NIPSNAP1: variants seen among roughly 807,000 people sequenced by gnomAD.
NIPSNAP1 encodes nipsnap homolog 1, also known as protein NipSnap homolog 1.
NIPSNAP1 carries 25 observed loss-of-function variants against 49.2 expected under a neutral mutation model. That is an observed-to-expected ratio of 0.51 (90% CI 0.37 to 0.71). NIPSNAP1 has a LOEUF of 0.71. Ranked by LOEUF, NIPSNAP1 falls within the 30% of genes least tolerant of loss-of-function variation. The probability of loss-of-function intolerance (pLI) is 0.00; values close to 1 mark genes in which losing one functional copy is unlikely to be tolerated. For missense variants in NIPSNAP1, 294 were observed against 361.0 expected (o/e 0.81, Z 1.50); for synonymous variants, 143 against 140.7 (o/e 1.02, Z -0.12).
At chr22:29,574,286 A>AG (rs1476698172) in intron 1 of NIPSNAP1, among the ~76,000 whole-genome samples, 7,604 of 147,606 alleles carry the variant, frequency 0.052, 644 homozygotes, top group African/African-American at 0.095. Context: ...AAAAAAAAAA[A>AG]AAAAAAGAAA....
intron 4 of NIPSNAP1, among the ~76,000 whole-genome samples, 164 bp downstream of exon 4, chr22:29,569,029 G>C (rs1247675937): frequency 6.6e-6 from 1 of 152,120 alleles, no homozygotes; most frequent in African/African-American, 2.4e-5. Flanking sequence ...GAGGGCACAG[G>C]GGAGCCAGGA....
At chr22:29,563,419 C>T (rs756074606) in intron 4 of NIPSNAP1, among the ~76,000 whole-genome samples, 1 of 151,978 alleles carries the variant, frequency 6.6e-6, no homozygotes, top group Non-Finnish European at 1.5e-5. Context: ...CCTAGCTACT[C>T]AGGAGGCTGA....
chr22:29,568,986 C>T (rs1300038882), intron 4 of NIPSNAP1, among the ~76,000 whole-genome samples: 2 of 151,932 alleles, frequency 1.3e-5, no homozygotes, highest in Non-Finnish European at 2.9e-5. Flanking sequence ...GGGGCAGGGC[C>T]GGGAAGGAGT....
intron 1 of NIPSNAP1, among the ~76,000 whole-genome samples, chr22:29,577,835 C>A (rs577176780): frequency 4.0e-5 from 6 of 149,858 alleles, no homozygotes; most frequent in Non-Finnish European, 7.4e-5. Flanking sequence ...CCAGTTCAAG[C>A]GATTCTCCTG....
rs1313415593 is a variant in NIPSNAP1, at chr22:29,555,011, G to A, written c.*924C>T. 1.3e-5 allele frequency: 2 copies of A among 152,520 alleles called. No homozygotes were observed. The highest frequency in any genetic ancestry group is 1.9e-4 in the East Asian group (1 of 5,336). The allele number at this position is 152,520 out of a possible 1,614,324, so 9.4% of individuals were successfully genotyped here. The stretch of plus-strand genomic sequence containing the variant: ...TTGGGCTGATAGAATGTCAATTAGG[G>A]GAGACAGGATACAGGGTGAGGGAAC... On this transcript the variant is annotated 3_prime_UTR_variant, in exon 10 of 10. Coordinates refer to ENST00000216121, the MANE Select transcript of NIPSNAP1 (RefSeq NM_003634.4).
intron 4 of NIPSNAP1, among the ~76,000 whole-genome samples, chr22:29,567,944 G>A (rs879359586): frequency 1.3e-5 from 2 of 152,120 alleles, no homozygotes; most frequent in Admixed American, 1.3e-4. Context: ...TTGGGAGGCC[G>A]AGGAGGTAGG....
chr22:29,573,658 C>T (rs1490918275), intron 1 of NIPSNAP1, among the ~76,000 whole-genome samples: 2 of 151,744 alleles, frequency 1.3e-5, no homozygotes, highest in Non-Finnish European at 2.9e-5. Flanking sequence ...ATCCCAGCTA[C>T]TCAGGAGGCT....
At chr22:29,568,480 CT>C (rs1483106031) in intron 4 of NIPSNAP1, among the ~76,000 whole-genome samples, 1 of 127,640 alleles carries the variant, frequency 7.8e-6, no homozygotes, top group Non-Finnish European at 1.6e-5. Context: ...GAGACCCTGT[CT>C]CAAAAAAGAA....
At chr22:29,580,287 T>A in intron 1 of NIPSNAP1, 2 of 1,249,296 alleles carry the variant, frequency 1.6e-6, no homozygotes, top group Non-Finnish European at 2.1e-6. Context: ...AGTGAGGGGC[T>A]GCCCAGGGCC....
intron 9 of NIPSNAP1, among the ~76,000 whole-genome samples, chr22:29,557,414 G>A (rs1034684266): frequency 6.6e-6 from 1 of 151,766 alleles, no homozygotes; most frequent in East Asian, 1.9e-4. Context: ...CACTGTGCTT[G>A]TCTTGTTTTT....
chr22:29,570,066 A>G (rs2064396589), intron 3 of NIPSNAP1, 96 bp downstream of exon 3: 3 of 946,356 alleles, frequency 3.2e-6, no homozygotes, highest in Middle Eastern at 2.1e-4. Context: ...CTGGATTTCT[A>G]CAGAAAAGAA....
chr22:29,562,699 A>G (rs2064344043), intron 4 of NIPSNAP1, among the ~76,000 whole-genome samples: 1 of 152,124 alleles, frequency 6.6e-6, no homozygotes, highest in Non-Finnish European at 1.5e-5. Context: ...CTCAAAAAAA[A>G]AGAGATTGAC....
chr22:29,577,796 G>A (rs924672453), intron 1 of NIPSNAP1, among the ~76,000 whole-genome samples: 4 of 150,472 alleles, frequency 2.7e-5, no homozygotes, highest in Non-Finnish European at 4.4e-5. Flanking sequence ...GCAGTGGCGC[G>A]ATCTTGGCTC....
At chr22:29,577,333 A>C (rs1299754833) in intron 1 of NIPSNAP1, among the ~76,000 whole-genome samples, 1 of 151,104 alleles carries the variant, frequency 6.6e-6, no homozygotes, top group African/African-American at 2.5e-5. Context: ...GCTCACTGCA[A>C]CTTCCACCTC....
At chr22:29,579,457 C>T (rs917407678) in intron 1 of NIPSNAP1, among the ~76,000 whole-genome samples, 2 of 151,924 alleles carry the variant, frequency 1.3e-5, no homozygotes. Context: ...CCACCGCGCC[C>T]AGCTAATTTT....
intron 1 of NIPSNAP1, among the ~76,000 whole-genome samples, chr22:29,574,282 A>AGAAAAG (rs1233663080): frequency 2.7e-5 from 4 of 146,750 alleles, no homozygotes; most frequent in South Asian, 2.1e-4. Context: ...AAAAAAAAAA[A>AGAAAAG]AAAAAAAAAA....
At chr22:29,561,935 AGTG>A in intron 4 of NIPSNAP1, 73 bp from the exon 5 acceptor site, 1 of 1,429,856 alleles carries the variant, frequency 7.0e-7, no homozygotes, top group Non-Finnish European at 9.9e-7. Flanking sequence ...AGGTTGGCTA[AGTG>A]GTGGGGACGG....
chr22:29,568,658 G>A (rs2146610081), intron 4 of NIPSNAP1, among the ~76,000 whole-genome samples: 1 of 152,222 alleles, frequency 6.6e-6, no homozygotes, highest in East Asian at 1.9e-4. Context: ...TGGGCGTGGT[G>A]GCACATGCCT....
rs1169055423 is a variant in NIPSNAP1, at chr22:29,580,990, C to A, written c.93G>T (p.Ala31=). 2 of 1,531,088 alleles carry A rather than the reference C, an allele frequency of 1.3e-6. No homozygotes were observed. The highest frequency in any genetic ancestry group is 2.5e-5 in the East Asian group (1 of 40,430). 94.8% of individuals were successfully genotyped at this position (1,531,088 alleles called of 1,614,324 possible). A position where few individuals can be genotyped will look rare whatever the true frequency, so the allele number is the denominator to read the frequency against. ...CTGCCTGGCCGGGCTCTCACCGCGC[C>A]GCAGCTGCAGACGCAACGTCCCCAG... ...PRAGDVASAA[A]ARFYSKDNEG... is the part of the protein sequence containing the mutation. The change falls in exon 1 of 10, where the codon GCG becomes GCT. Residue 31 remains alanine, a synonymous_variant. Transcript: ENST00000216121.
Sources: allele counts gnomAD v4.1 joint callset (sites outside exome capture counted in the v4.1 genomes callset), GRCh38; gene constraint gnomAD v4.1.1; transcripts MANE v1.5; gene names NCBI Gene and HGNC (gene_info 2026-07-23, HGNC 2026-07-21).